The following MAP3K3 variants were observed in gnomAD, a reference collection of about 807,000 sequenced individuals.
MAP3K3 encodes MAP/ERK kinase kinase 3.
MAP3K3 carries 12 observed loss-of-function variants against 80.9 expected under a neutral mutation model. The observed-to-expected ratio is 0.15, with a 90% CI of 0.10 to 0.24. The LOEUF (loss-of-function observed/expected upper bound fraction) is 0.24. MAP3K3 is among the 10% of genes least tolerant of loss of function. The pLI, the probability that MAP3K3 is intolerant of heterozygous loss-of-function variation, is 1.00. For missense variants in MAP3K3, 596 were observed against 834.7 expected (o/e 0.71, Z 3.52); for synonymous variants, 272 against 307.1 (o/e 0.89, Z 1.19).
At chr17:63,627,097 G>A (rs560123977) in intron 1 of MAP3K3, among the ~76,000 whole-genome samples, 1 of 152,332 alleles carries the variant, frequency 6.6e-6, no homozygotes, top group South Asian at 2.1e-4. Flanking sequence ...TCCTGCTGGA[G>A]CTAAAGAGAG....
chr17:63,642,075 G>A (rs1205781975), intron 2 of MAP3K3, among the ~76,000 whole-genome samples: 2 of 152,156 alleles, frequency 1.3e-5, no homozygotes, highest in African/African-American at 4.8e-5. Flanking sequence ...CAACCTGATG[G>A]GTGAAATTCA....
At chr17:63,658,734 C>CTTTT (rs55818509) in intron 5 of MAP3K3, among the ~76,000 whole-genome samples, 1 of 138,148 alleles carries the variant, frequency 7.2e-6, no homozygotes, top group Non-Finnish European at 1.6e-5. Context: ...CATTTCTTTT[C>CTTTT]TTTTTTTTTT....
intron 4 of MAP3K3, among the ~76,000 whole-genome samples, chr17:63,653,901 C>G (rs929882080): frequency 1.3e-5 from 2 of 152,136 alleles, no homozygotes; most frequent in African/African-American, 4.8e-5. Flanking sequence ...GAGTCTTGCT[C>G]TGTCGCCCAT....
At chr17:63,636,329 TAGG>T in intron 2 of MAP3K3, among the ~76,000 whole-genome samples, 1 of 152,314 alleles carries the variant, frequency 6.6e-6, no homozygotes, top group Middle Eastern at 3.4e-3. Flanking sequence ...CTCTGTATTC[TAGG>T]AGTACAGAGA....
At chr17:63,684,889 C>T (rs1055597500) in intron 7 of MAP3K3, among the ~76,000 whole-genome samples, 1 of 152,160 alleles carries the variant, frequency 6.6e-6, no homozygotes, top group African/African-American at 2.4e-5. Context: ...GGAGGACCTT[C>T]AGGACATTGA....
Position 63,691,927 on chromosome 17 carries a change from C to T in MAP3K3, c.1474+65C>T, listed in dbSNP as rs1169336913. 4 of 1,547,256 alleles carry T rather than the reference C, an allele frequency of 2.6e-6. No individual in the cohort carries two copies. In the African/African-American group the frequency reaches 4.1e-5, roughly 16 times the overall value. The stretch of plus-strand genomic sequence containing the variant: ...GTTCAAGTCTACCATTGAGTGCCTG[C>T]AGGGGCCAATCACTTAACCATTCTG... On this transcript the variant is annotated intron_variant, in intron 14 of 15. Transcript: ENST00000361733. This position sits in a 1 kb window ranked among gnomAD's most constrained non-coding sequence, Gnocchi z 4.8.
chr17:63,654,069 A>G (rs754582789), intron 4 of MAP3K3, among the ~76,000 whole-genome samples: 5 of 152,060 alleles, frequency 3.3e-5, no homozygotes, highest in Admixed American at 6.5e-5. Flanking sequence ...GGGTTTCACC[A>G]TGTTGCCCAG....
chr17:63,674,732 T>C (rs2035182155), intron 6 of MAP3K3, among the ~76,000 whole-genome samples: 1 of 151,964 alleles, frequency 6.6e-6, no homozygotes, highest in Non-Finnish European at 1.5e-5. Flanking sequence ...TTAAAGGTGA[T>C]GAAGAGGAGA....
intron 6 of MAP3K3, among the ~76,000 whole-genome samples, chr17:63,674,906 C>T (rs775614606): frequency 1.3e-5 from 2 of 152,104 alleles, no homozygotes; most frequent in African/African-American, 2.4e-5. Flanking sequence ...TAGATTATAG[C>T]GACAACTGGG....
rs1470773848 is a variant in MAP3K3, at chr17:63,691,030, C to T, written c.1213-72C>T. 1 of 1,591,382 alleles carries T rather than the reference C, an allele frequency of 6.3e-7. No homozygotes were observed. Among genetic ancestry groups the T allele is most frequent in the Admixed American group, 1.7e-5 (1 of 59,282 alleles). On this transcript the variant is annotated intron_variant, in intron 12 of 15. Transcript: ENST00000361733. The surrounding 1 kb of genome is among the most constrained non-coding windows in gnomAD (Gnocchi z 4.8). ...ATCCCTGTGAGGCCACTAACTAGGG[C>T]AAGCTGAGCTGAACCCAGGCGGGCA... is the stretch of plus-strand genomic sequence containing the variant.
rs768423193 is a variant in MAP3K3, at chr17:63,691,161, C to T, written c.1272C>T (p.Ile424=). ...TAAAGAACTTGCAGCATGAGCGCAT[C>T]GTGCAGTACTATGGCTGTCTGCGGG... is the stretch of plus-strand genomic sequence containing the variant. ...QLLKNLQHER[I]VQYYGCLRDR... Residue 424 remains isoleucine, a synonymous_variant, in exon 13 of 16, where the codon ATC becomes ATT. Transcript: ENST00000361733. The surrounding 1 kb of genome is among the most constrained non-coding windows in gnomAD (Gnocchi z 4.8). 61 of 1,614,194 alleles carry T rather than the reference C, an allele frequency of 3.8e-5. No individual in the cohort carries two copies. Among genetic ancestry groups the T allele is most frequent in the South Asian group, 2.7e-4 (25 of 91,086 alleles).
chr17:63,658,092 AT>A (rs1186365614), intron 5 of MAP3K3, among the ~76,000 whole-genome samples, 185 bp downstream of exon 5: 1 of 152,182 alleles, frequency 6.6e-6, no homozygotes, highest in Non-Finnish European at 1.5e-5. Context: ...GAAAAGCCAG[AT>A]TGTCAGTGTT....
chr17:63,670,683 A>C (rs2035089895), intron 6 of MAP3K3, among the ~76,000 whole-genome samples: 1 of 151,976 alleles, frequency 6.6e-6, no homozygotes, highest in African/African-American at 2.4e-5. Flanking sequence ...GGAAAGCCTT[A>C]GGCATGAATG....
At position 63,693,278 on chromosome 17, in the gene MAP3K3, CAGCTATGGGT is replaced by C. The variant is rs1257274818; in HGVS notation, c.1653-265_1653-256del. Among the ~76,000 whole-genome samples the C allele has an allele frequency of 6.6e-6, 1 of 152,210 alleles. No homozygotes were observed. The highest frequency in any genetic ancestry group is 2.4e-5 in the African/African-American group (1 of 41,466). ...TAAGTTTGTGGTCATTTGTTAAGAG[CAGCTATGGGT>C]AGCTAATACAGTTATTGTAGAGTTC... On this transcript the variant is annotated intron_variant, in intron 15 of 15. Coordinates refer to ENST00000361733, the MANE Select transcript of MAP3K3 (RefSeq NM_002401.5). The surrounding 1 kb of genome is among the most constrained non-coding windows in gnomAD (Gnocchi z 4.2).
At chr17:63,673,125 G>T (rs1409093647) in intron 6 of MAP3K3, among the ~76,000 whole-genome samples, 2 of 152,136 alleles carry the variant, frequency 1.3e-5, no homozygotes, top group East Asian at 3.8e-4. Context: ...GGAAGCGCAG[G>T]GTAGCCCAAT....
rs1331672626 is a variant in MAP3K3 at position 63,646,156 on chromosome 17, C to G, written c.167+82C>G. Reference sequence around the variant, plus strand: ...CATTGAGTTCATGGAAGTCATTCCCCTGTCCTGATCCCTGTGGGGCCACTG... The same window carrying G: ...CATTGAGTTCATGGAAGTCATTCCCGTGTCCTGATCCCTGTGGGGCCACTG... On this transcript the variant is annotated intron_variant, in intron 3 of 15. Coordinates refer to ENST00000361733, the MANE Select transcript of MAP3K3 (RefSeq NM_002401.5). 2.4e-6 allele frequency: 3 copies of G among 1,274,930 alleles called. No individual in the cohort carries two copies. In the East Asian group the frequency reaches 7.1e-5, roughly 30 times the overall value. 79.0% of individuals were successfully genotyped at this position (1,274,930 alleles called of 1,614,324 possible).
At position 63,689,709 on chromosome 17, in the gene MAP3K3, TGCA is replaced by T. The variant is rs1418732820; in HGVS notation, c.1039_1041del (p.Gln347del). 2 of 1,613,668 alleles carry T rather than the reference TGCA, an allele frequency of 1.2e-6. No individual in the cohort carries two copies. The highest frequency in any genetic ancestry group is 4.5e-5 in the East Asian group (2 of 44,872). On this transcript the variant is annotated inframe_deletion, in exon 11 of 16. Transcript: ENST00000361733. The surrounding 1 kb of genome is among the most constrained non-coding windows in gnomAD (Gnocchi z 4.3). ...GCGGACAGCGAGAATGCCCTCTCTG[TGCA>T]GGAGAGGAATGTGCCAACCAAGTGT...
intron 5 of MAP3K3, among the ~76,000 whole-genome samples, chr17:63,662,551 A>G (rs2034915366): frequency 6.6e-6 from 1 of 151,984 alleles, no homozygotes; most frequent in African/African-American, 2.4e-5. Context: ...ACTTAGGGTG[A>G]CTGCTCAGGT....
intron 6 of MAP3K3, among the ~76,000 whole-genome samples, chr17:63,672,540 G>A (rs552444292): frequency 3.1e-4 from 47 of 152,248 alleles, no homozygotes; most frequent in African/African-American, 1.1e-3. Flanking sequence ...TAGCTCAGAG[G>A]GGAGAAAATC....
Sources: allele counts gnomAD v4.1 joint callset (sites outside exome capture counted in the v4.1 genomes callset), GRCh38; gene constraint gnomAD v4.1.1; non-coding constraint Gnocchi (gnomAD v3.1); transcripts MANE v1.5; gene names NCBI Gene and HGNC (gene_info 2026-07-23, HGNC 2026-07-21).